Variants in VAT1L observed in about 807,000 individuals in gnomAD.
VAT1L encodes vesicle amine transport 1 like.
In VAT1L, 34 loss-of-function variants were observed where a neutral mutation model predicts 44.1. The ratio of observed to expected loss-of-function variants is 0.77; its 90% CI spans 0.59 to 1.03. The LOEUF (loss-of-function observed/expected upper bound fraction) is 1.03, where lower values mean the gene tolerates loss of function less well. Among genes scored for constraint, VAT1L ranks in the 50% least tolerant of loss-of-function variants. The probability of loss-of-function intolerance (pLI) is 0.00; values close to 1 mark genes in which losing one functional copy is unlikely to be tolerated. For missense variants in VAT1L, 615 were observed against 538.8 expected, an observed-to-expected ratio of 1.14 and a Z score of -1.40; for synonymous variants, 253 against 202.2, an observed-to-expected ratio of 1.25 and a Z score of -2.13.
intron 8 of VAT1L, among the ~76,000 whole-genome samples, chr16:77,976,831 G>C (rs2018345963): frequency 6.6e-6 from 1 of 152,202 alleles, no homozygotes; most frequent in South Asian, 2.1e-4. Context: ...CCAGGTACCA[G>C]TGATTAACAA....
chr16:77,920,156 G>C lies in VAT1L; in HGVS notation c.1077+35354G>C, dbSNP rs570075907. ...CAGAAGGAAAAGCAAAGTGATTGCT[G>C]TAAGGATTGCACAGAGCTGCCAAGC... On this transcript the variant is annotated intron_variant, in intron 7 of 8. Transcript: ENST00000302536. Among the ~76,000 whole-genome samples the C allele has an allele frequency of 3.3e-5, 5 of 152,318 alleles. No homozygotes were observed. The East Asian group carries it at 5.8e-4, about 18-fold the overall frequency.
chr16:77,850,838 G>A (rs915425226), intron 3 of VAT1L, among the ~76,000 whole-genome samples: 3 of 151,598 alleles, frequency 2.0e-5, no homozygotes, highest in African/African-American at 4.9e-5. Flanking sequence ...TAATACTCCT[G>A]CACTCCTTGA....
intron 4 of VAT1L, among the ~76,000 whole-genome samples, chr16:77,874,992 G>C (rs1239397675): frequency 6.6e-6 from 1 of 152,176 alleles, no homozygotes. Context: ...CAGGATCAAA[G>C]AAAGGAAGGA....
intron 3 of VAT1L, among the ~76,000 whole-genome samples, chr16:77,853,050 C>G (rs1218749330): frequency 6.6e-6 from 1 of 152,224 alleles, no homozygotes; most frequent in African/African-American, 2.4e-5. Context: ...GCCTCACTTG[C>G]TTCTTAATCC....
chr16:77,943,835 G>C (rs941222380), intron 7 of VAT1L, among the ~76,000 whole-genome samples: 2 of 152,286 alleles, frequency 1.3e-5, no homozygotes, highest in Non-Finnish European at 1.5e-5. Flanking sequence ...CAGTTATTAG[G>C]ATGCAATTAG....
At chr16:77,798,816 T>C (rs993407796) in intron 1 of VAT1L, among the ~76,000 whole-genome samples, 1 of 152,224 alleles carries the variant, frequency 6.6e-6, no homozygotes, top group Non-Finnish European at 1.5e-5. Flanking sequence ...GTGCTTCTAC[T>C]GTGTGCTAGA....
chr16:77,884,269 C>A lies in VAT1L; in HGVS notation c.883-339C>A, dbSNP rs942819490. Among the ~76,000 whole-genome samples the A allele has an allele frequency of 1.3e-5, 2 of 151,866 alleles. No homozygotes were observed. The highest frequency in any genetic ancestry group is 4.8e-5 in the African/African-American group (2 of 41,346). ...TGAAACCCCATCCCTACTAAAAATA[C>A]AAAAATTAGCTGGGCATGGTCGTGG... On this transcript the variant is annotated intron_variant, in intron 6 of 8. Coordinates refer to ENST00000302536, the MANE Select transcript of VAT1L (RefSeq NM_020927.3). The surrounding 1 kb of genome is among the most constrained non-coding windows in gnomAD (Gnocchi z 4.5).
chr16:77,869,820 G>A (rs943482134), intron 4 of VAT1L, among the ~76,000 whole-genome samples: 49 of 152,168 alleles, frequency 3.2e-4, no homozygotes, highest in African/African-American at 1.2e-3. Flanking sequence ...TCGAGGGGGA[G>A]CAGCTAATTG....
chr16:77,971,786 C>G, intron 7 of VAT1L, 64 bp from the exon 8 acceptor site: 1 of 1,534,366 alleles, frequency 6.5e-7, no homozygotes, highest in Non-Finnish European at 8.9e-7. Flanking sequence ...GTTCTCCAGG[C>G]CCCCTTTTTA....
chr16:77,928,715 C>T (rs1353736347), intron 7 of VAT1L, among the ~76,000 whole-genome samples: 1 of 151,470 alleles, frequency 6.6e-6, no homozygotes, highest in Non-Finnish European at 1.5e-5. Flanking sequence ...AAAACAATTA[C>T]ACAAAATGTC....
intron 3 of VAT1L, among the ~76,000 whole-genome samples, chr16:77,846,983 T>C (rs1053041829): frequency 6.6e-6 from 1 of 152,206 alleles, no homozygotes; most frequent in East Asian, 1.9e-4. Flanking sequence ...TTTTATAGTT[T>C]TCTGTATTTT....
intron 1 of VAT1L, among the ~76,000 whole-genome samples, chr16:77,804,009 C>T (rs1386103106): frequency 1.3e-5 from 2 of 152,130 alleles, no homozygotes; most frequent in Non-Finnish European, 2.9e-5. Flanking sequence ...TGTACAGCCT[C>T]CTCTTATGGA....
chr16:77,838,361 C>G (rs746362332), intron 3 of VAT1L, among the ~76,000 whole-genome samples: 2 of 152,182 alleles, frequency 1.3e-5, no homozygotes, highest in Non-Finnish European at 2.9e-5. Context: ...GCCTTTGAGG[C>G]GCGTGGTCTC....
At chr16:77,915,541 T>A (rs2017543166) in intron 7 of VAT1L, among the ~76,000 whole-genome samples, 1 of 152,174 alleles carries the variant, frequency 6.6e-6, no homozygotes, top group Non-Finnish European at 1.5e-5. Context: ...TTGGTCTACC[T>A]ATTTGTGAGT....
At chr16:77,938,729 C>G (rs6564487) in intron 7 of VAT1L, among the ~76,000 whole-genome samples, 12,564 of 152,184 alleles carry the variant, frequency 0.083, 524 homozygotes, top group African/African-American at 0.12. Flanking sequence ...AACCATGAGC[C>G]AATTAAACCT....
At chr16:77,838,014 C>T (rs2016659087) in intron 3 of VAT1L, among the ~76,000 whole-genome samples, 1 of 152,212 alleles carries the variant, frequency 6.6e-6, no homozygotes, top group South Asian at 2.1e-4. Context: ...TCTCATCTCC[C>T]TTGGTCTATC....
At chr16:77,965,225 T>C (rs1293050465) in intron 7 of VAT1L, among the ~76,000 whole-genome samples, 6 of 149,108 alleles carry the variant, frequency 4.0e-5, no homozygotes, top group African/African-American at 1.6e-4. Flanking sequence ...ACTGAACAAA[T>C]AAATAAATGA....
intron 3 of VAT1L, among the ~76,000 whole-genome samples, chr16:77,858,633 G>A (rs925329739): frequency 6.6e-6 from 1 of 152,168 alleles, no homozygotes; most frequent in Non-Finnish European, 1.5e-5. Flanking sequence ...AGCCAGGAGT[G>A]AAGCAGATCA....
At chr16:77,830,754 G>C (rs1268911440) in intron 3 of VAT1L, among the ~76,000 whole-genome samples, 1 of 152,188 alleles carries the variant, frequency 6.6e-6, no homozygotes, top group Admixed American at 6.5e-5. Flanking sequence ...CGCAGTCTCA[G>C]CTCACTGCAG....
Sources: gnomAD v4.1 joint callset for allele counts (sites outside exome capture counted in the v4.1 genomes callset) on GRCh38, gnomAD v4.1.1 for gene constraint, Gnocchi (gnomAD v3.1) non-coding constraint, MANE v1.5 for transcripts, NCBI Gene and HGNC (gene_info 2026-07-23, HGNC 2026-07-21) for gene names.